NELL1: variants seen among roughly 807,000 people sequenced by gnomAD.
NELL1 encodes protein kinase C-binding protein NELL1.
In NELL1, 76 loss-of-function variants were observed where a neutral mutation model predicts 107.4. That is an observed-to-expected ratio of 0.71 (90% CI 0.59 to 0.86). NELL1 has a LOEUF of 0.86. Among genes scored for constraint, NELL1 ranks in the 40% least tolerant of loss-of-function variants. The pLI, the probability that NELL1 is intolerant of heterozygous loss-of-function variation, is 0.00. For synonymous variants in NELL1, 353 were observed against 341.2 expected (o/e 1.03, Z -0.38); for missense variants, 1,024 against 1,005.5 (o/e 1.02, Z -0.25).
chr11:21,241,383 A>C (rs1459152228), intron 14 of NELL1, among the ~76,000 whole-genome samples: 1 of 152,096 alleles, frequency 6.6e-6, no homozygotes, highest in Non-Finnish European at 1.5e-5. Context: ...GAGCCAAAGA[A>C]CTGTCTCACC....
chr11:21,337,740 CTTT>C (rs1850443297), intron 14 of NELL1, among the ~76,000 whole-genome samples: 5 of 61,426 alleles, frequency 8.1e-5, no homozygotes, highest in East Asian at 7.0e-4. Context: ...TCTTTCCTTT[CTTT>C]CTTTCTTTCT....
intron 13 of NELL1, among the ~76,000 whole-genome samples, chr11:21,125,738 G>C (rs1855472682): frequency 6.6e-6 from 1 of 152,256 alleles, no homozygotes; most frequent in East Asian, 1.9e-4. Flanking sequence ...ATGTTAGGTG[G>C]GAGTGCATTG....
chr11:21,119,171 A>T (rs1300870051), intron 13 of NELL1, among the ~76,000 whole-genome samples: 1 of 151,990 alleles, frequency 6.6e-6, no homozygotes, highest in Non-Finnish European at 1.5e-5. Context: ...TTAGTTTAGT[A>T]TTGGATGTTT....
At chr11:21,531,190 C>T (rs917757255) in intron 15 of NELL1, among the ~76,000 whole-genome samples, 1 of 152,202 alleles carries the variant, frequency 6.6e-6, no homozygotes, top group African/African-American at 2.4e-5. Context: ...CACACATATA[C>T]GTATATAGTT....
At position 21,551,174 on chromosome 11, in the gene NELL1, T is replaced by G. The variant is rs565903338; in HGVS notation, c.1787-9015T>G. On this transcript the variant is annotated intron_variant, in intron 16 of 19. Transcript: ENST00000357134. ...TATTGGTGTATAAGAATGCTTGTGA[T>G]TTTTGCACATTGATTTTGTATCCTG... 5.9e-5 allele frequency among the ~76,000 whole-genome samples: 9 copies of G among 152,056 alleles called. No homozygotes were observed. The East Asian group carries it at 1.4e-3, about 23-fold the overall frequency.
chr11:21,275,068 A>G (rs1848824358), intron 14 of NELL1, among the ~76,000 whole-genome samples: 1 of 152,210 alleles, frequency 6.6e-6, no homozygotes, highest in Admixed American at 6.5e-5. Context: ...ACTGAAGGAG[A>G]TGGACACACA....
At chr11:21,457,903 G>A (rs555076096) in intron 15 of NELL1, among the ~76,000 whole-genome samples, 1 of 152,250 alleles carries the variant, frequency 6.6e-6, no homozygotes, top group South Asian at 2.1e-4. Context: ...CATACATAAA[G>A]GTAATGTGTG....
chr11:21,032,086 GATAAA>G (rs1444438999), intron 12 of NELL1, among the ~76,000 whole-genome samples: 6 of 141,848 alleles, frequency 4.2e-5, no homozygotes, highest in African/African-American at 8.1e-5. Context: ...TAATAATAAT[GATAAA>G]ATAAACAAAA....
chr11:21,560,873 G>A lies in NELL1; in HGVS notation c.1980+491G>A, dbSNP rs193196259. Among the ~76,000 whole-genome samples the A allele has an allele frequency of 6.7e-3, 972 of 145,412 alleles. 11 individuals are homozygous for A. The highest frequency in any genetic ancestry group is 0.01 in the Non-Finnish European group (660 of 65,674). On this transcript the variant is annotated intron_variant, in intron 17 of 19. Coordinates refer to ENST00000357134, the MANE Select transcript of NELL1 (RefSeq NM_006157.5). ...TCATTTTGAACAAATGATAATGATA[G>A]TATGAGGCCTCTTAGAAATTGATGT...
intron 14 of NELL1, among the ~76,000 whole-genome samples, chr11:21,313,210 A>T (rs978409053): frequency 6.6e-5 from 10 of 152,188 alleles, no homozygotes; most frequent in Non-Finnish European, 1.5e-4. Flanking sequence ...AAGAGCTTAG[A>T]GTGAGTGTGA....
intron 12 of NELL1, among the ~76,000 whole-genome samples, chr11:20,984,845 A>G (rs144177605): frequency 3.5e-4 from 53 of 152,280 alleles, no homozygotes; most frequent in African/African-American, 1.2e-3. Context: ...CGCTAAGACT[A>G]GATGATTAAA....
chr11:21,196,185 G>A (rs1857147580), intron 13 of NELL1, among the ~76,000 whole-genome samples: 1 of 152,092 alleles, frequency 6.6e-6, no homozygotes, highest in African/African-American at 2.4e-5. Flanking sequence ...TTTGGCCCTA[G>A]TCCATAATAA....
rs185416865 is a variant in NELL1 at position 21,077,156 on chromosome 11, T to C, written c.1301-36433T>C. Among the ~76,000 whole-genome samples the C allele has an allele frequency of 2.9e-3, 434 of 152,216 alleles. 5 individuals are homozygous for C. The highest frequency in any genetic ancestry group is 9.9e-3 in the African/African-American group (410 of 41,526). ...TTCACACCGAGTTGCTCTCTGTTTC[T>C]TTAAAGATGCATAAAAAGGAAAATA... On this transcript the variant is annotated intron_variant, in intron 12 of 19. Transcript: ENST00000357134.
chr11:20,937,627 A>C (rs1850753879), intron 9 of NELL1, among the ~76,000 whole-genome samples, 159 bp from the exon 10 acceptor site: 1 of 152,232 alleles, frequency 6.6e-6, no homozygotes, highest in African/African-American at 2.4e-5. Flanking sequence ...TTTAAGGGTT[A>C]TCCTCCACAC....
At chr11:21,563,143 T>C (rs1164485368) in intron 17 of NELL1, among the ~76,000 whole-genome samples, 5 of 152,062 alleles carry the variant, frequency 3.3e-5, no homozygotes, top group African/African-American at 9.7e-5. Context: ...AAAGTGGTTG[T>C]CTCTCTGGGA....
chr11:20,691,290 G>A (rs1379894901), intron 2 of NELL1, among the ~76,000 whole-genome samples: 1 of 151,428 alleles, frequency 6.6e-6, no homozygotes, highest in Non-Finnish European at 1.5e-5. Context: ...TCTCCTGCCT[G>A]ATTGCCCTGG....
At chr11:21,428,099 A>AT (rs752894766) in intron 15 of NELL1, among the ~76,000 whole-genome samples, 1 of 152,116 alleles carries the variant, frequency 6.6e-6, no homozygotes, top group Non-Finnish European at 1.5e-5. Flanking sequence ...AATAATATGG[A>AT]TTTTTCAGAG....
chr11:20,789,417 G>A (rs1007656276), intron 3 of NELL1, among the ~76,000 whole-genome samples: 2 of 152,176 alleles, frequency 1.3e-5, no homozygotes, highest in Admixed American at 6.5e-5. Flanking sequence ...CACCAGCACC[G>A]GGGAACACGG....
At chr11:20,945,641 G>A (rs1850947488) in intron 10 of NELL1, among the ~76,000 whole-genome samples, 1 of 152,210 alleles carries the variant, frequency 6.6e-6, no homozygotes, top group South Asian at 2.1e-4. Flanking sequence ...AAGTAATTCA[G>A]CATTGTGATT....
Sources: gnomAD v4.1 joint callset for allele counts (sites outside exome capture counted in the v4.1 genomes callset) on GRCh38, gnomAD v4.1.1 for gene constraint, MANE v1.5 for transcripts, NCBI Gene and HGNC (gene_info 2026-07-23, HGNC 2026-07-21) for gene names.